PCCB: variants seen among roughly 807,000 people sequenced by gnomAD.
The protein encoded by PCCB is propionyl-CoA carboxylase subunit beta.
In PCCB, 43 loss-of-function variants were observed where a neutral mutation model predicts 60.7. That is an observed-to-expected ratio of 0.71 (90% CI 0.55 to 0.91). The LOEUF is 0.91. PCCB is among the 40% of genes least tolerant of loss of function. The pLI, the probability that PCCB is intolerant of heterozygous loss-of-function variation, is 0.00. For synonymous variants in PCCB, 276 were observed against 255.9 expected, an observed-to-expected ratio of 1.08 and a Z score of -0.75; for missense variants, 766 against 702.8, an observed-to-expected ratio of 1.09 and a Z score of -1.02.
rs575617410 is a variant in PCCB at position 136,319,637 on chromosome 3, A to T, written c.1090+2573A>T. Reference sequence around the variant, plus strand: ...GGTCTCGAACTCCTGACTTCCAGTGATCTGCCCACCTTGGCCTCCCAAAGT... The same window carrying T: ...GGTCTCGAACTCCTGACTTCCAGTGTTCTGCCCACCTTGGCCTCCCAAAGT... On this transcript the variant is annotated intron_variant, in intron 10 of 14. Coordinates refer to ENST00000251654, the MANE Select transcript of PCCB (RefSeq NM_000532.5). 1.2e-4 allele frequency among the ~76,000 whole-genome samples: 19 copies of T among 152,286 alleles called. 1 individual carries two copies. In the South Asian group the frequency reaches 3.7e-3, roughly 30 times the overall value.
intron 3 of PCCB, among the ~76,000 whole-genome samples, chr3:136,257,396 G>C (rs975676033): frequency 1.3e-5 from 2 of 152,170 alleles, no homozygotes; most frequent in African/African-American, 4.8e-5. Flanking sequence ...CTCCAGAAGG[G>C]AGCACAGTCC....
In PCCB at chr3:136,305,013, A is replaced by G. The variant is rs765402462; in HGVS notation, c.966+3902A>G. Among the ~76,000 whole-genome samples the G allele has an allele frequency of 1.7e-3, 208 of 121,492 alleles. 59 individuals carry two copies. Among genetic ancestry groups the G allele is most frequent in the Middle Eastern group, 0.012 (3 of 242 alleles). 79.7% of individuals were successfully genotyped at this position (121,492 alleles called of 152,430 possible). A position where few individuals can be genotyped will look rare whatever the true frequency, so the allele number is the denominator to read the frequency against. ...CCCAGCTTTTCCAATTTTTAAAAGA[A>G]TTCCAGTCCTAACAGATTAGGGTCC... is the stretch of plus-strand genomic sequence containing the variant. On this transcript the variant is annotated intron_variant, in intron 9 of 14. Coordinates refer to ENST00000251654, the MANE Select transcript of PCCB (RefSeq NM_000532.5).
chr3:136,292,677 T>A (rs1933751340), intron 6 of PCCB, among the ~76,000 whole-genome samples: 1 of 151,842 alleles, frequency 6.6e-6, no homozygotes, highest in African/African-American at 2.4e-5. Flanking sequence ...TTGAACACTA[T>A]GTGTATTGAA....
chr3:136,296,411 G>A (rs558824882), intron 7 of PCCB, among the ~76,000 whole-genome samples: 1 of 152,272 alleles, frequency 6.6e-6, no homozygotes, highest in Admixed American at 6.5e-5. Context: ...TGTTGTTAAA[G>A]GCTCATCCAT....
rs1173392806 is a variant in PCCB, at chr3:136,309,858, C to G, written c.967-7083C>G. On this transcript the variant is annotated intron_variant, in intron 9 of 14. Transcript: ENST00000251654. ...CATTGGAAAATTTGTTTGGAAAACACAGTTTAACAGAAATTGATCCCATCA... is the reference window on the plus strand; with the variant it reads ...CATTGGAAAATTTGTTTGGAAAACAGAGTTTAACAGAAATTGATCCCATCA... Among the ~76,000 whole-genome samples, 3 of 151,500 alleles carry G rather than the reference C, an allele frequency of 2.0e-5. No homozygotes were observed. In the East Asian group the frequency reaches 5.8e-4, roughly 29 times the overall value.
chr3:136,300,557 T>TTTGAAGGAGCTTTAGCAGA (rs1934227509), intron 8 of PCCB, among the ~76,000 whole-genome samples: 1 of 152,220 alleles, frequency 6.6e-6, no homozygotes, highest in Non-Finnish European at 1.5e-5. Context: ...AGTTTTGCTT[T>TTTGAAGGAGCTTTAGCAGA]TTGAAGGAGC....
At chr3:136,329,448 G>A (rs920093192) in intron 14 of PCCB, among the ~76,000 whole-genome samples, 2 of 152,188 alleles carry the variant, frequency 1.3e-5, no homozygotes, top group African/African-American at 4.8e-5. Flanking sequence ...GTTGCACAGT[G>A]TCATTTTTGC....
At position 136,318,516 on chromosome 3, in the gene PCCB, C is replaced by T. The variant is rs1163826970; in HGVS notation, c.1090+1452C>T. 8.5e-5 allele frequency among the ~76,000 whole-genome samples: 13 copies of T among 152,356 alleles called. No individual in the cohort carries two copies. In the East Asian group the frequency reaches 1.2e-3, roughly 14 times the overall value. On this transcript the variant is annotated intron_variant, in intron 10 of 14. Transcript: ENST00000251654. ...CACCACTGTTTCCAAACATTTTCAT[C>T]TCCTCAGAGACTGTGAACCTGTTAA...
intron 5 of PCCB, among the ~76,000 whole-genome samples, chr3:136,264,192 G>A (rs921954628): frequency 2.0e-5 from 3 of 151,872 alleles, no homozygotes; most frequent in African/African-American, 7.3e-5. Flanking sequence ...ATAAATTGGA[G>A]ATACTATGTC....
intron 5 of PCCB, among the ~76,000 whole-genome samples, chr3:136,280,993 C>T (rs912125541): frequency 4.6e-5 from 7 of 152,190 alleles, no homozygotes; most frequent in Admixed American, 2.0e-4. Flanking sequence ...TTCCGGCCTC[C>T]ATGGTTAATC....
At chr3:136,283,500 C>T (rs144535739) in intron 5 of PCCB, among the ~76,000 whole-genome samples, 111 of 152,220 alleles carry the variant, frequency 7.3e-4, no homozygotes, top group Non-Finnish European at 1.2e-3. Context: ...GGCAGCTTTG[C>T]ACAGATGGGG....
At chr3:136,284,317 T>TATTTCA (rs67922183) in intron 6 of PCCB, among the ~76,000 whole-genome samples, 2 of 151,574 alleles carry the variant, frequency 1.3e-5, no homozygotes, top group Non-Finnish European at 3.0e-5. Flanking sequence ...AGTTGTTTCT[T>TATTTCA]CCTTTATTTC....
At chr3:136,268,130 A>ATG (rs1196472779) in intron 5 of PCCB, among the ~76,000 whole-genome samples, 1 of 135,100 alleles carries the variant, frequency 7.4e-6, no homozygotes, top group African/African-American at 3.0e-5. Context: ...ATGTATATAT[A>ATG]TATATATATA....
intron 1 of PCCB, among the ~76,000 whole-genome samples, chr3:136,251,453 G>A (rs764069333): frequency 1.3e-5 from 2 of 152,184 alleles, no homozygotes; most frequent in African/African-American, 2.4e-5. Context: ...GGGAGGCACT[G>A]GGGGAGGGAT....
chr3:136,256,734 A>G, intron 3 of PCCB, 111 bp downstream of exon 3: 1 of 793,336 alleles, frequency 1.3e-6, no homozygotes, highest in South Asian at 1.4e-5. Flanking sequence ...GTTTGGGGAA[A>G]ATGAGGGATT....
intron 10 of PCCB, among the ~76,000 whole-genome samples, chr3:136,318,751 A>G (rs1210699705): frequency 2.6e-5 from 4 of 152,110 alleles, no homozygotes; most frequent in East Asian, 3.9e-4. Context: ...AACTTCATTT[A>G]TTTTTATGGC....
At chr3:136,288,037 T>G (rs1340690033) in intron 6 of PCCB, among the ~76,000 whole-genome samples, 3 of 152,214 alleles carry the variant, frequency 2.0e-5, no homozygotes, top group Non-Finnish European at 4.4e-5. Flanking sequence ...TTAACATAGT[T>G]TAATTGTGCC....
intron 12 of PCCB, 83 bp from the exon 13 acceptor site, chr3:136,327,551 A>G (rs763697536): frequency 1.4e-5 from 15 of 1,091,806 alleles, no homozygotes; most frequent in Non-Finnish European, 2.1e-5. Flanking sequence ...CTTTGTCCCA[A>G]TTTTACCTGG....
At chr3:136,261,635 A>G (rs1233190564) in intron 4 of PCCB, among the ~76,000 whole-genome samples, 1 of 152,188 alleles carries the variant, frequency 6.6e-6, no homozygotes, top group Non-Finnish European at 1.5e-5. Context: ...GTACCTGGGA[A>G]CAAAACTGGC....
Sources: allele counts gnomAD v4.1 joint callset (sites outside exome capture counted in the v4.1 genomes callset), GRCh38; gene constraint gnomAD v4.1.1; transcripts MANE v1.5; gene names NCBI Gene and HGNC (gene_info 2026-07-23, HGNC 2026-07-21).